The following CCDC3 variants were observed in gnomAD, a reference collection of about 807,000 sequenced individuals.
The protein encoded by CCDC3 is coiled-coil domain-containing protein 3.
Under a neutral mutation model 21.4 loss-of-function variants are expected in CCDC3, and 24 were observed. That is an observed-to-expected ratio of 1.12 (90% CI 0.81 to 1.58). CCDC3 has a LOEUF of 1.58. Ranked by LOEUF, CCDC3 falls within the 40% of genes most tolerant of loss-of-function variation. CCDC3 has a pLI of 0.00. For missense variants in CCDC3, 425 were observed against 360.9 expected, an observed-to-expected ratio of 1.18 and a Z score of -1.44; for synonymous variants, 186 against 166.0, an observed-to-expected ratio of 1.12 and a Z score of -0.93.
intron 2 of CCDC3, among the ~76,000 whole-genome samples, chr10:12,971,706 G>A (rs1192131323): frequency 1.3e-5 from 2 of 152,130 alleles, no homozygotes; most frequent in Non-Finnish European, 2.9e-5. Flanking sequence ...TTGTTTTCGA[G>A]ACAGAGTCTT....
chr10:12,916,999 G>A (rs1165937723), intron 2 of CCDC3, among the ~76,000 whole-genome samples: 1 of 152,044 alleles, frequency 6.6e-6, no homozygotes, highest in East Asian at 1.9e-4. Context: ...TACCAGCCTG[G>A]AGTCTGGGGC....
At chr10:13,044,726 T>C (rs548709520) in intron 5 of CCDC3, among the ~76,000 whole-genome samples, 2 of 152,316 alleles carry the variant, frequency 1.3e-5, no homozygotes, top group African/African-American at 4.8e-5. Flanking sequence ...GTACCAGTAC[T>C]ATGCAGCTTT....
chr10:12,962,229 GA>G (rs1201935167), intron 2 of CCDC3, among the ~76,000 whole-genome samples: 2 of 152,200 alleles, frequency 1.3e-5, no homozygotes, highest in Non-Finnish European at 2.9e-5. Flanking sequence ...TTGCATTCAA[GA>G]AAAACACGTA....
At chr10:13,090,036 T>TAGATAGATAGATAGATAGATAGATAG (rs1188514602) in intron 3 of CCDC3, among the ~76,000 whole-genome samples, 3 of 1,848 alleles carry the variant, frequency 1.6e-3, no homozygotes, top group African/African-American at 1.7e-3. Flanking sequence ...TTCCGTTAGA[T>TAGATAGATAGATAGATAGATAGATAG]ATATATATAT....
At position 12,998,414 on chromosome 10, in the gene CCDC3, A is replaced by G. The variant is rs751167879; in HGVS notation, c.473T>C (p.Phe158Ser). 3.8e-5 allele frequency: 62 copies of G among 1,614,082 alleles called. No homozygotes were observed. The highest frequency in any genetic ancestry group is 4.7e-5 in the Non-Finnish European group (56 of 1,180,052). ...QENRRMFSSL[F>S]QFSNCSQGQQ... is the part of the protein sequence containing the mutation. ...CCCTTGCGAACAGTTTGAAAACTGG[A>G]AAAGGCTAGAAAACATCCTTCTGTT... The change falls in exon 2 of 3, where the codon TTC becomes TCC. Residue 158 changes from phenylalanine to serine, a missense_variant. Transcript: ENST00000378825.
intron 5 of CCDC3, among the ~76,000 whole-genome samples, chr10:13,043,684 T>C (rs1172291950): frequency 6.6e-6 from 1 of 152,180 alleles, no homozygotes; most frequent in Non-Finnish European, 1.5e-5. Flanking sequence ...AGGACATGAT[T>C]TCATTCTTTT....
intron 2 of CCDC3, among the ~76,000 whole-genome samples, chr10:12,904,320 A>G (rs1287039211): frequency 6.6e-6 from 1 of 151,798 alleles, no homozygotes; most frequent in Admixed American, 6.6e-5. Context: ...AAAATAAAAA[A>G]TAGCCCGGCA....
At chr10:13,033,392 A>G (rs546372166) in intron 5 of CCDC3, among the ~76,000 whole-genome samples, 2 of 152,360 alleles carry the variant, frequency 1.3e-5, no homozygotes, top group East Asian at 3.9e-4. Context: ...AAAACCCTAG[A>G]AGAAAACCTA....
chr10:12,987,859 C>T (rs72777449), intron 2 of CCDC3, among the ~76,000 whole-genome samples: 1,533 of 152,246 alleles, frequency 0.01, 12 homozygotes, highest in Non-Finnish European at 0.016. Context: ...CAGACATATC[C>T]CAGAGCCAGC....
intron 3 of CCDC3, among the ~76,000 whole-genome samples, chr10:13,076,590 G>C (rs1836967506): frequency 6.6e-6 from 1 of 152,150 alleles, no homozygotes; most frequent in African/African-American, 2.4e-5. Context: ...ATAACTCTTT[G>C]TTAAGCCCTA....
chr10:12,955,932 G>A lies in CCDC3; in HGVS notation c.549+42406C>T, dbSNP rs145685281. 2.9e-3 allele frequency among the ~76,000 whole-genome samples: 442 copies of A among 151,970 alleles called. 1 individual carries two copies. Among genetic ancestry groups the A allele is most frequent in the African/African-American group, 9.6e-3 (399 of 41,474 alleles). On this transcript the variant is annotated intron_variant, in intron 2 of 2. Transcript: ENST00000378825. ...CATGTTGGCAAGGCTGGCCTCAAAC[G>A]CCTGACCTCAAGTGACCTGCCTGCC...
intron 5 of CCDC3, among the ~76,000 whole-genome samples, chr10:13,031,516 A>G (rs1183405708): frequency 7.2e-5 from 11 of 152,344 alleles, no homozygotes; most frequent in East Asian, 3.9e-4. Flanking sequence ...TGAAGGAGAT[A>G]GAGACACAAA....
intron 5 of CCDC3, among the ~76,000 whole-genome samples, chr10:13,033,875 C>T (rs577369528): frequency 1.1e-3 from 170 of 152,290 alleles, no homozygotes; most frequent in Middle Eastern, 3.4e-3. Context: ...GAAATAGGAA[C>T]ACTTTTACAC....
At chr10:13,044,692 C>A (rs1186501348) in intron 5 of CCDC3, among the ~76,000 whole-genome samples, 1 of 152,064 alleles carries the variant, frequency 6.6e-6, no homozygotes, top group East Asian at 1.9e-4. Context: ...CTATTCGGTT[C>A]CATTGGTCTA....
chr10:12,969,792 T>C (rs921974705), intron 2 of CCDC3, among the ~76,000 whole-genome samples: 5 of 150,900 alleles, frequency 3.3e-5, no homozygotes, highest in African/African-American at 1.2e-4. Flanking sequence ...GAGGAAATCC[T>C]GTCATTTGTG....
At chr10:13,048,774 G>T (rs1836565252) in intron 5 of CCDC3, among the ~76,000 whole-genome samples, 1 of 146,958 alleles carries the variant, frequency 6.8e-6, no homozygotes, top group Non-Finnish European at 1.5e-5. Flanking sequence ...GCTGAGAAGG[G>T]ATTAAAATTA....
At chr10:13,050,206 G>T (rs1836586150) in intron 4 of CCDC3, among the ~76,000 whole-genome samples, 1 of 152,166 alleles carries the variant, frequency 6.6e-6, no homozygotes, top group Non-Finnish European at 1.5e-5. Flanking sequence ...TGGGGGCAGG[G>T]CTGGTCCATT....
At chr10:12,916,927 C>T (rs181941660) in intron 2 of CCDC3, among the ~76,000 whole-genome samples, 16 of 152,222 alleles carry the variant, frequency 1.1e-4, no homozygotes, top group African/African-American at 2.4e-4. Flanking sequence ...GGGTTGGGCC[C>T]GGAGACCAAG....
At chr10:13,051,197 T>A (rs1213945792) in intron 4 of CCDC3, among the ~76,000 whole-genome samples, 1 of 152,102 alleles carries the variant, frequency 6.6e-6, no homozygotes, top group East Asian at 1.9e-4. Context: ...CTTACTCTAT[T>A]CTATCTTATT....
Sources: gnomAD v4.1 joint callset for allele counts (sites outside exome capture counted in the v4.1 genomes callset) on GRCh38, gnomAD v4.1.1 for gene constraint, MANE v1.5 for transcripts, NCBI Gene and HGNC (gene_info 2026-07-23, HGNC 2026-07-21) for gene names.